The following TNFRSF19 variants were observed in gnomAD, a reference collection of about 807,000 sequenced individuals.
The protein encoded by TNFRSF19 is TNF receptor superfamily member 19, also known as tumor necrosis factor receptor superfamily member 19.
Under a neutral mutation model 46.4 loss-of-function variants are expected in TNFRSF19, and 27 were observed. The observed-to-expected ratio is 0.58, with a 90% CI of 0.43 to 0.80. The LOEUF (loss-of-function observed/expected upper bound fraction) is 0.80, where lower values mean the gene tolerates loss of function less well. Among genes scored for constraint, TNFRSF19 ranks in the 30% least tolerant of loss-of-function variants. The pLI is 0.00. For synonymous variants in TNFRSF19, 204 were observed against 205.0 expected, an observed-to-expected ratio of 1.00 and a Z score of 0.04; for missense variants, 511 against 530.8, an observed-to-expected ratio of 0.96 and a Z score of 0.37.
At chr13:23,620,590 T>C (rs1031861582) in intron 4 of TNFRSF19, among the ~76,000 whole-genome samples, 2 of 152,200 alleles carry the variant, frequency 1.3e-5, no homozygotes, top group African/African-American at 2.4e-5. Context: ...CCCTGCAGAA[T>C]TGTTAGAAGG....
intron 4 of TNFRSF19, among the ~76,000 whole-genome samples, chr13:23,621,424 G>A (rs1267486331): frequency 1.3e-5 from 2 of 152,144 alleles, no homozygotes; most frequent in South Asian, 2.1e-4. Context: ...ACAGAGCAAC[G>A]CTGTCATCCA....
intron 1 of TNFRSF19, among the ~76,000 whole-genome samples, chr13:23,572,734 A>C (rs1328651539): frequency 2.0e-5 from 3 of 152,222 alleles, no homozygotes; most frequent in Non-Finnish European, 2.9e-5. Flanking sequence ...TTGATTTTAA[A>C]ATAAAGATGG....
intron 5 of TNFRSF19, among the ~76,000 whole-genome samples, chr13:23,630,167 G>A (rs1566197444): frequency 1.3e-5 from 2 of 151,988 alleles, no homozygotes; most frequent in African/African-American, 4.8e-5. Context: ...GCTAGGGATG[G>A]TGGTGTGTGC....
At chr13:23,620,010 G>C (rs1277328032) in intron 4 of TNFRSF19, among the ~76,000 whole-genome samples, 3 of 152,240 alleles carry the variant, frequency 2.0e-5, no homozygotes, top group South Asian at 4.1e-4. Flanking sequence ...CTATAGGAAA[G>C]TTATAAGTGA....
At chr13:23,599,758 C>T (rs1240969396) in intron 3 of TNFRSF19, among the ~76,000 whole-genome samples, 1 of 152,128 alleles carries the variant, frequency 6.6e-6, no homozygotes, top group Non-Finnish European at 1.5e-5. Context: ...TAAGTGTTTT[C>T]TTATCAGACT....
At chr13:23,625,982 C>T (rs925021007) in intron 4 of TNFRSF19, among the ~76,000 whole-genome samples, 2 of 151,996 alleles carry the variant, frequency 1.3e-5, no homozygotes, top group African/African-American at 4.8e-5. Flanking sequence ...AATTATGAAA[C>T]ATTCTTCTTT....
At chr13:23,591,789 G>A (rs1366740013) in intron 2 of TNFRSF19, among the ~76,000 whole-genome samples, 9 of 150,080 alleles carry the variant, frequency 6.0e-5, no homozygotes, top group Admixed American at 5.3e-4. Flanking sequence ...GCAGTGGTGC[G>A]ATCTTGGCTC....
chr13:23,592,822 C>T (rs556964768), intron 2 of TNFRSF19, among the ~76,000 whole-genome samples: 3 of 152,142 alleles, frequency 2.0e-5, no homozygotes, highest in South Asian at 4.1e-4. Flanking sequence ...ACGATAATTG[C>T]GAAGTTCTTG....
intron 5 of TNFRSF19, among the ~76,000 whole-genome samples, chr13:23,658,446 G>T (rs893490818): frequency 2.0e-5 from 3 of 152,146 alleles, no homozygotes; most frequent in Admixed American, 1.3e-4. Context: ...CTTAGCACAT[G>T]ACTATGCCGG....
chr13:23,669,116 TC>T lies in TNFRSF19; in HGVS notation c.1245+22del, dbSNP rs1423777102. ...CCTCCAGGTAAGGCAGCGACTGGGT[TC>T]CCTGTGAACACAGCACTGACTTACA... On this transcript the variant is annotated intron_variant, in intron 9 of 9. Coordinates refer to ENST00000248484, the MANE Select transcript of TNFRSF19 (RefSeq NM_148957.4). The T allele has an allele frequency of 6.2e-7, 1 of 1,610,500 alleles. No individual in the cohort carries two copies.
intron 1 of TNFRSF19, among the ~76,000 whole-genome samples, chr13:23,586,494 G>A (rs1445102157): frequency 2.6e-5 from 4 of 152,158 alleles, no homozygotes; most frequent in South Asian, 2.1e-4. Context: ...CAGTCACTGT[G>A]GTTTGAGATC....
chr13:23,620,436 T>C (rs549079475), intron 4 of TNFRSF19, among the ~76,000 whole-genome samples: 2 of 152,172 alleles, frequency 1.3e-5, no homozygotes, highest in Non-Finnish European at 2.9e-5. Context: ...GTGGAAATCA[T>C]CTGTCCTCCG....
chr13:23,601,159 C>A (rs1439585567), intron 3 of TNFRSF19, among the ~76,000 whole-genome samples: 2 of 151,932 alleles, frequency 1.3e-5, no homozygotes, highest in Non-Finnish European at 2.9e-5. Context: ...CAGAGAACAC[C>A]AAGCAAGATA....
chr13:23,616,125 A>G, intron 4 of TNFRSF19, 80 bp downstream of exon 4: 1 of 1,379,432 alleles, frequency 7.2e-7, no homozygotes. Flanking sequence ...TCCATTCTAA[A>G]CTGGAATGCA....
chr13:23,583,731 T>G (rs1878626208), intron 1 of TNFRSF19, among the ~76,000 whole-genome samples: 1 of 152,240 alleles, frequency 6.6e-6, no homozygotes, highest in African/African-American at 2.4e-5. Flanking sequence ...AGAGTGGTTT[T>G]GGAATGTATC....
At chr13:23,611,357 G>A (rs762925430) in intron 3 of TNFRSF19, among the ~76,000 whole-genome samples, 1 of 152,232 alleles carries the variant, frequency 6.6e-6, no homozygotes, top group Non-Finnish European at 1.5e-5. Flanking sequence ...GGGTTTGGTG[G>A]ATGGAAAATC....
chr13:23,613,239 G>A (rs865937979), intron 3 of TNFRSF19, among the ~76,000 whole-genome samples: 6 of 152,160 alleles, frequency 3.9e-5, no homozygotes, highest in African/African-American at 7.2e-5. Flanking sequence ...TGTGCACTCC[G>A]TGCTTGATTT....
intron 7 of TNFRSF19, among the ~76,000 whole-genome samples, chr13:23,665,773 G>C (rs78894553): frequency 0.016 from 2,497 of 152,230 alleles, 61 homozygotes; most frequent in African/African-American, 0.057. Flanking sequence ...CAGGAAATTC[G>C]TGTTAATTCA....
intron 3 of TNFRSF19, among the ~76,000 whole-genome samples, chr13:23,601,693 A>G (rs1880177259): frequency 6.6e-6 from 1 of 152,180 alleles, no homozygotes; most frequent in Non-Finnish European, 1.5e-5. Context: ...CACATAAGTG[A>G]AATTAATTAC....
Sources: allele counts gnomAD v4.1 joint callset (sites outside exome capture counted in the v4.1 genomes callset), GRCh38; gene constraint gnomAD v4.1.1; transcripts MANE v1.5; gene names NCBI Gene and HGNC (gene_info 2026-07-23, HGNC 2026-07-21).